Variants in KIF16B observed in about 807,000 individuals in gnomAD.
The protein encoded by KIF16B is kinesin-like protein KIF16B.
A neutral mutation model predicts 156.3 loss-of-function variants in KIF16B; 98 were observed. The observed-to-expected ratio is 0.63, with a 90% CI of 0.53 to 0.74. The LOEUF is 0.74. KIF16B is among the 30% of genes least tolerant of loss of function. The pLI is 0.00. For synonymous variants in KIF16B, 564 were observed against 583.7 expected (o/e 0.97, Z 0.49); for missense variants, 1,421 against 1,606.5 (o/e 0.88, Z 1.97).
intron 9 of KIF16B, 80 bp from the exon 10 acceptor site, chr20:16,504,627 G>C: frequency 2.4e-6 from 3 of 1,271,012 alleles, no homozygotes; most frequent in Non-Finnish European, 2.3e-6. Flanking sequence ...TAATTTAAAA[G>C]TCAGATTAAC....
intron 25 of KIF16B, among the ~76,000 whole-genome samples, chr20:16,307,402 G>A (rs967901512): frequency 6.6e-6 from 1 of 152,190 alleles, no homozygotes; most frequent in South Asian, 2.1e-4. Flanking sequence ...CAGTGAAGGT[G>A]AAGCATGTGT....
chr20:16,304,732 T>A (rs772327600), intron 25 of KIF16B, among the ~76,000 whole-genome samples: 1 of 152,216 alleles, frequency 6.6e-6, no homozygotes, highest in African/African-American at 2.4e-5. Flanking sequence ...ATCTTTCCAA[T>A]AGGTAAATGA....
intron 22 of KIF16B, among the ~76,000 whole-genome samples, chr20:16,359,092 T>C (rs2064500455): frequency 6.6e-6 from 1 of 152,258 alleles, no homozygotes. Context: ...TAACTTTCTC[T>C]TTTCATAAGT....
intron 12 of KIF16B, among the ~76,000 whole-genome samples, chr20:16,439,723 T>C (rs1225031758): frequency 6.6e-6 from 1 of 152,138 alleles, no homozygotes; most frequent in Non-Finnish European, 1.5e-5. Flanking sequence ...GTCACAATCA[T>C]GGAGGAAGGC....
chr20:16,529,086 A>G (rs1249165787), intron 1 of KIF16B, among the ~76,000 whole-genome samples: 1 of 152,254 alleles, frequency 6.6e-6, no homozygotes, highest in Admixed American at 6.5e-5. Flanking sequence ...TATACTGTTC[A>G]GTGGAGACAA....
intron 25 of KIF16B, among the ~76,000 whole-genome samples, chr20:16,277,922 G>C (rs2063088220): frequency 1.3e-5 from 2 of 152,206 alleles, no homozygotes; most frequent in South Asian, 2.1e-4. Flanking sequence ...TTGTTCACCT[G>C]GTGGACAGTG....
In KIF16B at chr20:16,379,919, T is replaced by A. The variant is rs2065052078; in HGVS notation, c.2083A>T (p.Lys695Ter). The change falls in exon 19 of 26, where the codon AAG (lysine) becomes TAG (stop). Residue 695 changes from lysine to a stop codon, truncating the protein, a stop_gained. Transcript: ENST00000354981. LOFTEE classifies it high-confidence loss of function. ...REQQEIELQK[K>*]RQEEETFLRV... ...AGAAAGGTCTCTTCTTCTTGTCTCT[T>A]CTTCTGCAGCTCGATTTCCTGCTGT... The A allele has an allele frequency of 6.2e-7, 1 of 1,614,098 alleles. No individual in the cohort carries two copies. The highest frequency in any genetic ancestry group is 1.3e-5 in the African/African-American group (1 of 74,926).
intron 25 of KIF16B, among the ~76,000 whole-genome samples, chr20:16,282,399 G>A (rs112810592): frequency 0.024 from 3,597 of 152,078 alleles, 76 homozygotes; most frequent in Non-Finnish European, 0.038. Context: ...TGCCTGCCTG[G>A]GAGACAAATA....
intron 24 of KIF16B, among the ~76,000 whole-genome samples, chr20:16,329,058 A>G (rs1476465567): frequency 1.3e-5 from 2 of 152,180 alleles, no homozygotes; most frequent in African/African-American, 4.8e-5. Context: ...AGGAGTTGGC[A>G]TCTGTGAATC....
At chr20:16,376,983 C>A (rs1037161270) in intron 19 of KIF16B, among the ~76,000 whole-genome samples, 4 of 152,196 alleles carry the variant, frequency 2.6e-5, no homozygotes, top group Non-Finnish European at 5.9e-5. Context: ...CCTGAGGGAA[C>A]TACCAGACAG....
chr20:16,273,092 G>C lies in KIF16B; in HGVS notation c.*161C>G. On this transcript the variant is annotated 3_prime_UTR_variant, in exon 26 of 26. Coordinates refer to ENST00000354981, the MANE Select transcript of KIF16B (RefSeq NM_024704.5). ...CAGAGCATCCCATCCCCAAACTCAG[G>C]CACTAGGTATGGAAACGTGAGGTGG... 1 of 646,998 alleles carries C rather than the reference G, an allele frequency of 1.5e-6. No individual in the cohort carries two copies. Among genetic ancestry groups the C allele is most frequent in the Non-Finnish European group, 2.8e-6 (1 of 363,086 alleles). The allele number at this position is 646,998 out of a possible 1,614,324, so 40.1% of individuals were successfully genotyped here.
intron 10 of KIF16B, among the ~76,000 whole-genome samples, chr20:16,498,096 C>T (rs1403376834): frequency 6.6e-6 from 1 of 152,154 alleles, no homozygotes; most frequent in Non-Finnish European, 1.5e-5. Flanking sequence ...AAATGAAACG[C>T]ATTTATTTTC....
intron 1 of KIF16B, among the ~76,000 whole-genome samples, chr20:16,558,097 G>A (rs547648114): frequency 5.9e-5 from 9 of 152,316 alleles, no homozygotes; most frequent in African/African-American, 2.2e-4. Context: ...TTGAAGAAGC[G>A]ACATTTGAAC....
At position 16,400,711 on chromosome 20, in the gene KIF16B, A is replaced by G. The variant is rs117433895; in HGVS notation, c.1784+4102T>C. 3.2e-3 allele frequency among the ~76,000 whole-genome samples: 490 copies of G among 152,354 alleles called. 3 individuals carry two copies. Among genetic ancestry groups the G allele is most frequent in the Non-Finnish European group, 5.9e-3 (399 of 68,038 alleles). ...GAAAGGAAGTTCTGACACATGCTAT[A>G]TGGTGGATGAACATGAACCAAAGAC... On this transcript the variant is annotated intron_variant, in intron 17 of 25. Coordinates refer to ENST00000354981, the MANE Select transcript of KIF16B (RefSeq NM_024704.5).
intron 15 of KIF16B, among the ~76,000 whole-genome samples, chr20:16,416,149 T>C (rs1382568342): frequency 6.6e-6 from 1 of 152,202 alleles, no homozygotes; most frequent in African/African-American, 2.4e-5. Context: ...TTTTCTCCCA[T>C]TCTGTAGGTT....
At chr20:16,357,123 G>A (rs907290868) in intron 22 of KIF16B, among the ~76,000 whole-genome samples, 5 of 152,142 alleles carry the variant, frequency 3.3e-5, no homozygotes, top group African/African-American at 7.2e-5. Flanking sequence ...AGTGTGAATC[G>A]GAAGAAATCT....
chr20:16,361,042 T>G (rs1303908538), intron 22 of KIF16B, among the ~76,000 whole-genome samples: 1 of 152,190 alleles, frequency 6.6e-6, no homozygotes, highest in Non-Finnish European at 1.5e-5. Flanking sequence ...AGGACTGCCA[T>G]CTAATCTCCA....
intron 23 of KIF16B, among the ~76,000 whole-genome samples, chr20:16,343,132 G>GCCCC (rs1168919775): frequency 3.7e-4 from 56 of 152,284 alleles, no homozygotes; most frequent in Non-Finnish European, 6.9e-4. Flanking sequence ...GCATATATTT[G>GCCCC]AGGAGCAAAT....
intron 1 of KIF16B, among the ~76,000 whole-genome samples, chr20:16,547,226 G>A (rs192912155): frequency 3.0e-4 from 45 of 152,316 alleles, no homozygotes; most frequent in African/African-American, 9.6e-4. Context: ...AGCTGGCCAT[G>A]CCCACTCACG....
Sources: gnomAD v4.1 joint callset for allele counts (sites outside exome capture counted in the v4.1 genomes callset) on GRCh38, gnomAD v4.1.1 for gene constraint, MANE v1.5 for transcripts, NCBI Gene and HGNC (gene_info 2026-07-23, HGNC 2026-07-21) for gene names.